The following AGMO variants were observed in gnomAD, a reference collection of about 807,000 sequenced individuals.
AGMO encodes alkylglycerol monooxygenase.
Under a neutral mutation model 60.2 loss-of-function variants are expected in AGMO, and 75 were observed. The ratio of observed to expected loss-of-function variants is 1.25; its 90% CI spans 1.03 to 1.51. The LOEUF (loss-of-function observed/expected upper bound fraction) is 1.51, where lower values mean the gene tolerates loss of function less well. Among genes scored for constraint, AGMO ranks in the 40% most tolerant of loss-of-function variants. The probability of loss-of-function intolerance (pLI) is 0.00; values close to 1 mark genes in which losing one functional copy is unlikely to be tolerated. For missense variants in AGMO, 763 were observed against 525.5 expected (o/e 1.45, Z -4.42); for synonymous variants, 261 against 177.1 (o/e 1.47, Z -3.76).
At chr7:15,351,208 C>T (rs1782232207) in intron 12 of AGMO, among the ~76,000 whole-genome samples, 2 of 152,034 alleles carry the variant, frequency 1.3e-5, no homozygotes, top group Admixed American at 1.3e-4. Flanking sequence ...GGGAAAGGGT[C>T]CTCATGAAAA....
intron 12 of AGMO, among the ~76,000 whole-genome samples, chr7:15,234,077 T>TA (rs1247200924): frequency 1.6e-4 from 24 of 151,856 alleles, no homozygotes; most frequent in African/African-American, 4.4e-4. Context: ...CAAAAAATAT[T>TA]AGAGAAGAAC....
At chr7:15,146,871 T>C in the AGMO span, among the ~76,000 whole-genome samples, 6 of 152,212 alleles carry the variant, frequency 3.9e-5, no homozygotes, top group Admixed American at 2.0e-4. Context: ...GCTAACACTA[T>C]ATTCAGTGAA....
intron 10 of AGMO, among the ~76,000 whole-genome samples, chr7:15,376,951 A>T (rs189474000): frequency 3.8e-3 from 573 of 152,182 alleles, no homozygotes; most frequent in Middle Eastern, 6.8e-3. Flanking sequence ...CTTGACTCCC[A>T]AAGTTATTTA....
In AGMO at chr7:15,544,396, C is replaced by A. The variant is rs575229794; in HGVS notation, c.409+376G>T. On this transcript the variant is annotated intron_variant, in intron 3 of 12. Coordinates refer to ENST00000342526, the MANE Select transcript of AGMO (RefSeq NM_001004320.2). ...AAAAAATTAAACACAAACAAAAAAA[C>A]CTTTTATCCCAACAGCCAAATGTTA... 5.3e-5 allele frequency among the ~76,000 whole-genome samples: 8 copies of A among 152,168 alleles called. No individual in the cohort carries two copies. The East Asian group carries it at 1.2e-3, about 22-fold the overall frequency.
intron 12 of AGMO, among the ~76,000 whole-genome samples, chr7:15,326,097 A>G (rs118006013): frequency 0.017 from 2,532 of 152,308 alleles, 35 homozygotes; most frequent in Non-Finnish European, 0.025. Context: ...AAACTGGGAT[A>G]TTACTCTTAG....
intron 3 of AGMO, among the ~76,000 whole-genome samples, chr7:15,519,598 G>C (rs1004525107): frequency 6.6e-6 from 1 of 152,108 alleles, no homozygotes; most frequent in African/African-American, 2.4e-5. Flanking sequence ...TTACAGACAA[G>C]CAAATGCTGA....
rs1785277711 is a variant in AGMO at position 15,560,594 on chromosome 7, A to G, written c.127-323T>C. ...TTAAAAAATACATTTAGAATAAGGT[A>G]GATAATTAGAGGTCTATTGTCTCTA... is the stretch of plus-strand genomic sequence containing the variant. On this transcript the variant is annotated intron_variant, in intron 1 of 12. Transcript: ENST00000342526. 2.0e-5 allele frequency among the ~76,000 whole-genome samples: 3 copies of G among 152,308 alleles called. No homozygotes were observed. The South Asian group carries it at 6.2e-4, about 32-fold the overall frequency.
chr7:15,361,798 C>T (rs1376220806), intron 12 of AGMO, among the ~76,000 whole-genome samples: 1 of 152,026 alleles, frequency 6.6e-6, no homozygotes, highest in African/African-American at 2.4e-5. Context: ...AGGCACACAC[C>T]TCCCAAATAA....
intron 3 of AGMO, among the ~76,000 whole-genome samples, chr7:15,435,892 A>G (rs1205236513): frequency 6.6e-6 from 1 of 152,194 alleles, no homozygotes; most frequent in South Asian, 2.1e-4. Context: ...CTATCTTGTC[A>G]TCTATGAAAT....
chr7:15,368,189 G>T (rs1282824187), intron 10 of AGMO, among the ~76,000 whole-genome samples: 2 of 150,932 alleles, frequency 1.3e-5, no homozygotes, highest in Non-Finnish European at 1.5e-5. Flanking sequence ...GTGAGTCAGT[G>T]AAAGCCAGAA....
chr7:15,464,974 A>G (rs963221726), intron 3 of AGMO, among the ~76,000 whole-genome samples: 6 of 152,180 alleles, frequency 3.9e-5, no homozygotes, highest in Non-Finnish European at 8.8e-5. Flanking sequence ...ACCAGAAGTC[A>G]ATGACTGCTC....
chr7:15,499,109 G>T (rs975370049), intron 3 of AGMO, among the ~76,000 whole-genome samples: 2 of 151,780 alleles, frequency 1.3e-5, no homozygotes, highest in Admixed American at 1.3e-4. Context: ...GAAGATCATT[G>T]TGAAGTGAAC....
At chr7:15,372,819 G>C (rs563012732) in intron 10 of AGMO, among the ~76,000 whole-genome samples, 1 of 152,220 alleles carries the variant, frequency 6.6e-6, no homozygotes, top group Non-Finnish European at 1.5e-5. Context: ...AAGTATCTCT[G>C]TCCTAAAGTG....
chr7:15,442,357 A>C (rs768821852), intron 3 of AGMO, among the ~76,000 whole-genome samples: 1 of 152,148 alleles, frequency 6.6e-6, no homozygotes, highest in East Asian at 1.9e-4. Flanking sequence ...TAAAGGTGGC[A>C]TACTAATGAC....
At chr7:15,465,859 C>CT (rs1241578600) in intron 3 of AGMO, among the ~76,000 whole-genome samples, 5 of 151,902 alleles carry the variant, frequency 3.3e-5, no homozygotes, top group Non-Finnish European at 7.4e-5. Flanking sequence ...ATAGTTCAGT[C>CT]TTTTTTAAAC....
intron 5 of AGMO, among the ~76,000 whole-genome samples, chr7:15,394,920 C>G (rs1024310335): frequency 2.6e-5 from 4 of 152,062 alleles, no homozygotes; most frequent in Non-Finnish European, 5.9e-5. Context: ...TATCTGGTGC[C>G]TAATTCTCAC....
the AGMO span, among the ~76,000 whole-genome samples, chr7:15,169,105 A>G: frequency 6.6e-6 from 1 of 152,320 alleles, no homozygotes; most frequent in Admixed American, 6.5e-5. Context: ...AAAGTGACAA[A>G]TGAGCAGGAG....
At chr7:15,196,988 C>T (rs985792611), downstream of AGMO, among the ~76,000 whole-genome samples, 9 of 151,404 alleles carry the variant, frequency 5.9e-5, no homozygotes, top group Non-Finnish European at 1.2e-4. Context: ...TTAGGAAGAA[C>T]GGATGGCAGA....
intron 2 of AGMO, among the ~76,000 whole-genome samples, chr7:15,558,570 G>T (rs1223191617): frequency 1.3e-5 from 2 of 151,954 alleles, no homozygotes; most frequent in African/African-American, 4.8e-5. Context: ...ATCTATAATT[G>T]TAAATTCTTA....
Sources: gnomAD v4.1 joint callset for allele counts (sites outside exome capture counted in the v4.1 genomes callset) on GRCh38, gnomAD v4.1.1 for gene constraint, MANE v1.5 for transcripts, NCBI Gene and HGNC (gene_info 2026-07-23, HGNC 2026-07-21) for gene names.